Variants in EYS observed in about 807,000 individuals in gnomAD.
EYS encodes the protein protein eyes shut homolog.
A neutral mutation model predicts 282.1 loss-of-function variants in EYS; 250 were observed. The ratio of observed to expected loss-of-function variants is 0.89; its 90% CI spans 0.80 to 0.98. The LOEUF is 0.98. Ranked by LOEUF, EYS falls within the 50% of genes least tolerant of loss-of-function variation. The pLI, the probability that EYS is intolerant of heterozygous loss-of-function variation, is 0.00. For missense variants in EYS, 4,016 were observed against 3,709.0 expected, an observed-to-expected ratio of 1.08 and a Z score of -2.15; for synonymous variants, 1,355 against 1,282.9, an observed-to-expected ratio of 1.06 and a Z score of -1.20.
chr6:64,964,816 G>A (rs1770039793), intron 14 of EYS, among the ~76,000 whole-genome samples: 1 of 152,068 alleles, frequency 6.6e-6, no homozygotes, highest in Non-Finnish European at 1.5e-5. Flanking sequence ...CAGATCACTT[G>A]AGGTCAGGAG....
intron 12 of EYS, among the ~76,000 whole-genome samples, chr6:65,109,450 T>C (rs1034931240): frequency 2.6e-5 from 4 of 152,100 alleles, no homozygotes; most frequent in South Asian, 2.1e-4. Context: ...CTTTTTTTAC[T>C]TGGGCGGTAG....
intron 33 of EYS, among the ~76,000 whole-genome samples, chr6:64,064,395 C>T (rs1771290800): frequency 6.6e-6 from 1 of 152,082 alleles, no homozygotes; most frequent in Non-Finnish European, 1.5e-5. Context: ...GCATGCTTAG[C>T]AGATGAGCAC....
intron 31 of EYS, among the ~76,000 whole-genome samples, chr6:64,156,833 G>A (rs1774937343): frequency 6.6e-6 from 1 of 151,918 alleles, no homozygotes; most frequent in Non-Finnish European, 1.5e-5. Context: ...GCATTCAAGA[G>A]GTGAGTTGGG....
chr6:63,802,631 ACT>A (rs903597613), intron 37 of EYS, among the ~76,000 whole-genome samples: 1 of 151,822 alleles, frequency 6.6e-6, no homozygotes, highest in African/African-American at 2.4e-5. Flanking sequence ...ATTTGGAGAA[ACT>A]CTATCTTAAA....
chr6:64,207,937 G>T (rs1160873914), intron 31 of EYS, among the ~76,000 whole-genome samples: 1 of 152,166 alleles, frequency 6.6e-6, no homozygotes, highest in Non-Finnish European at 1.5e-5. Context: ...GGGATCACAG[G>T]CTTGAGCCAC....
At chr6:64,163,222 T>C (rs911261303) in intron 31 of EYS, among the ~76,000 whole-genome samples, 4 of 152,072 alleles carry the variant, frequency 2.6e-5, no homozygotes, top group Non-Finnish European at 5.9e-5. Flanking sequence ...ACAAAAAAAA[T>C]TAAGAGCAAT....
chr6:64,803,365 C>A (rs1046932535), intron 22 of EYS, among the ~76,000 whole-genome samples: 1 of 146,008 alleles, frequency 6.8e-6, no homozygotes, highest in Non-Finnish European at 1.5e-5. Context: ...AGTAGGGGGA[C>A]TGAAGGTGTG....
At chr6:64,698,039 C>A (rs1014657451) in intron 22 of EYS, among the ~76,000 whole-genome samples, 13 of 152,048 alleles carry the variant, frequency 8.5e-5, no homozygotes, top group African/African-American at 1.2e-4. Context: ...CCAAGAGAAA[C>A]TCTTGAAACT....
intron 31 of EYS, among the ~76,000 whole-genome samples, chr6:64,095,341 G>A (rs1400956564): frequency 1.3e-5 from 2 of 152,048 alleles, no homozygotes; most frequent in Non-Finnish European, 2.9e-5. Flanking sequence ...TCTGTCTAAT[G>A]TTGACAGTGG....
intron 2 of EYS, among the ~76,000 whole-genome samples, chr6:65,621,586 T>C (rs1192154727): frequency 1.3e-5 from 2 of 151,578 alleles, no homozygotes; most frequent in African/African-American, 4.9e-5. Flanking sequence ...GTGAATTTGA[T>C]CCTGTCATTA....
intron 19 of EYS, among the ~76,000 whole-genome samples, chr6:64,849,888 G>C (rs1163479514): frequency 6.6e-6 from 1 of 150,672 alleles, no homozygotes. Flanking sequence ...TATGTGATTA[G>C]ATTAGGCCCA....
intron 30 of EYS, among the ~76,000 whole-genome samples, chr6:64,294,772 G>A (rs1287307721): frequency 6.6e-6 from 1 of 152,100 alleles, no homozygotes; most frequent in African/African-American, 2.4e-5. Context: ...CTAGATAAGA[G>A]TATTATCACT....
At chr6:63,765,812 C>A (rs1665863085) in intron 40 of EYS, among the ~76,000 whole-genome samples, 1 of 151,984 alleles carries the variant, frequency 6.6e-6, no homozygotes, top group South Asian at 2.1e-4. Context: ...CCGTTCTCAG[C>A]CTCTAGTGAC....
chr6:65,041,807 A>G (rs1226284411), intron 13 of EYS, among the ~76,000 whole-genome samples: 1 of 151,582 alleles, frequency 6.6e-6, no homozygotes, highest in Non-Finnish European at 1.5e-5. Context: ...TTTGGTCAAT[A>G]TATAATACAG....
chr6:64,071,837 G>A (rs1399953186), intron 32 of EYS, among the ~76,000 whole-genome samples: 1 of 151,512 alleles, frequency 6.6e-6, no homozygotes. Flanking sequence ...AACCAACTCT[G>A]AGGAAAATTT....
At chr6:65,015,198 T>C (rs62416489) in intron 13 of EYS, among the ~76,000 whole-genome samples, 19,195 of 152,274 alleles carry the variant, frequency 0.13, 1,422 homozygotes, top group East Asian at 0.24. Context: ...ACAGCCATTA[T>C]AGGAAACTAA....
At position 63,720,812 on chromosome 6, in the gene EYS, A is replaced by T. The variant is rs1768349937; in HGVS notation, c.9219T>A (p.His3073Gln). The change falls in exon 43 of 43, where the codon CAT (histidine) becomes CAA (glutamine). Residue 3073 changes from histidine to glutamine, a missense_variant. Physicochemically the swap from His to Gln is conservative, Grantham distance 24. Transcript: ENST00000503581. ...CATAGTTTAGAGCCACAAAGTTTTT[A>T]TGTGGATCAATATCCTCGGAAAGAA... ...SLILSEDIDP[H>Q]KNFVALNYDG... 1.9e-6 allele frequency: 3 copies of T among 1,551,078 alleles called. No homozygotes were observed. The East Asian group carries it at 7.3e-5, about 38-fold the overall frequency.
intron 8 of EYS, among the ~76,000 whole-genome samples, chr6:65,369,028 C>T (rs1765024691): frequency 6.6e-6 from 1 of 150,992 alleles, no homozygotes; most frequent in Non-Finnish European, 1.5e-5. Context: ...CTCTTTCTCC[C>T]CGTTTTCTTA....
At chr6:64,196,985 T>G (rs1019059251) in intron 31 of EYS, among the ~76,000 whole-genome samples, 1 of 152,288 alleles carries the variant, frequency 6.6e-6, no homozygotes, top group East Asian at 1.9e-4. Context: ...TGGCACTTTT[T>G]TTTTTGCAAG....
Sources: allele counts gnomAD v4.1 joint callset (sites outside exome capture counted in the v4.1 genomes callset), GRCh38; gene constraint gnomAD v4.1.1; transcripts MANE v1.5; gene names NCBI Gene and HGNC (gene_info 2026-07-23, HGNC 2026-07-21).